The following GRIP2 variants were observed in gnomAD, a reference collection of about 807,000 sequenced individuals.
GRIP2 encodes glutamate receptor interacting protein 2, also known as glutamate receptor-interacting protein 2.
A neutral mutation model predicts 108.3 loss-of-function variants in GRIP2; 58 were observed. The ratio of observed to expected loss-of-function variants is 0.54; its 90% CI spans 0.43 to 0.67. The LOEUF (loss-of-function observed/expected upper bound fraction) is 0.67, where lower values mean the gene tolerates loss of function less well. Among genes scored for constraint, GRIP2 ranks in the 30% least tolerant of loss-of-function variants. The probability of loss-of-function intolerance (pLI) is 0.00; values close to 1 mark genes in which losing one functional copy is unlikely to be tolerated. For synonymous variants in GRIP2, 586 were observed against 598.2 expected (o/e 0.98, Z 0.30); for missense variants, 1,278 against 1,430.6 (o/e 0.89, Z 1.72).
chr3:14,496,888 A>G (rs1359145175), intron 21 of GRIP2, among the ~76,000 whole-genome samples: 1 of 152,112 alleles, frequency 6.6e-6, no homozygotes, highest in East Asian at 1.9e-4. Flanking sequence ...CACTTTACAG[A>G]TGAGGAAACT....
the GRIP2 span, among the ~76,000 whole-genome samples, chr3:14,592,298 A>T: frequency 1.4e-4 from 22 of 152,292 alleles, no homozygotes; most frequent in Middle Eastern, 6.8e-3. Context: ...GGGGCCTTCC[A>T]GGGCTCTGAG....
chr3:14,495,433 G>A (rs1693567203), intron 22 of GRIP2, among the ~76,000 whole-genome samples: 1 of 152,146 alleles, frequency 6.6e-6, no homozygotes, highest in South Asian at 2.1e-4. Flanking sequence ...TTGAGATGGA[G>A]TCTTGCTCTG....
chr3:14,503,154 C>T (rs1287899772), intron 21 of GRIP2, among the ~76,000 whole-genome samples: 1 of 152,214 alleles, frequency 6.6e-6, no homozygotes, highest in East Asian at 1.9e-4. Flanking sequence ...TGCCGACAAC[C>T]ACATTCATGA....
the GRIP2 span, among the ~76,000 whole-genome samples, chr3:14,564,535 G>C: frequency 6.6e-6 from 1 of 152,238 alleles, no homozygotes; most frequent in Non-Finnish European, 1.5e-5. Flanking sequence ...CCTAAAGTCA[G>C]TAAGTATAGT....
the GRIP2 span, among the ~76,000 whole-genome samples, chr3:14,593,644 C>G: frequency 1.3e-5 from 2 of 152,220 alleles, no homozygotes; most frequent in African/African-American, 4.8e-5. Flanking sequence ...TCTCACAGTT[C>G]CAGTGCGCTA....
At chr3:14,499,771 C>G (rs1006677436) in intron 21 of GRIP2, among the ~76,000 whole-genome samples, 5 of 151,924 alleles carry the variant, frequency 3.3e-5, no homozygotes, top group African/African-American at 1.2e-4. Flanking sequence ...GAAAAAGAAA[C>G]TTGAAATAAG....
At chr3:14,530,792 G>A (rs1163777550) in intron 1 of GRIP2, among the ~76,000 whole-genome samples, 3 of 152,118 alleles carry the variant, frequency 2.0e-5, no homozygotes, top group Admixed American at 6.5e-5. Context: ...ATACAGGTAC[G>A]CACTGCATAA....
intron 21 of GRIP2, 79 bp from the exon 22 acceptor site, chr3:14,496,639 T>C: frequency 1.3e-6 from 2 of 1,510,272 alleles, no homozygotes; most frequent in Non-Finnish European, 1.8e-6. Context: ...ACAACTACTA[T>C]GTGCCAGCCA....
rs1031897832 is a variant in GRIP2, at chr3:14,490,615, C to G, written c.*3050G>C. The G allele has an allele frequency of 3.3e-5, 5 of 152,340 alleles. No individual in the cohort carries two copies. In the East Asian group the frequency reaches 9.6e-4, roughly 29 times the overall value. The allele number at this position is 152,340 out of a possible 1,614,324, so 9.4% of individuals were successfully genotyped here. ...TCTGGCTTTCTGCTGCGCAGAGAAT[C>G]AAATTTGCTCCCCCTACCCAAGCCT... On this transcript the variant is annotated 3_prime_UTR_variant, in exon 24 of 24. Transcript: ENST00000621039.
At chr3:14,574,351 T>G in the GRIP2 span, 4 of 987,010 alleles carry the variant, frequency 4.1e-6, no homozygotes, top group South Asian at 1.3e-5. Flanking sequence ...GGCACAGCGA[T>G]GCGCTGGTTC....
At chr3:14,519,100 C>T (rs146949788) in intron 9 of GRIP2, among the ~76,000 whole-genome samples, 8 of 152,314 alleles carry the variant, frequency 5.3e-5, no homozygotes, top group East Asian at 1.9e-4. Context: ...GAACCTGGCA[C>T]GTGGCAGATG....
At chr3:14,594,363 G>C in the GRIP2 span, among the ~76,000 whole-genome samples, 1 of 152,224 alleles carries the variant, frequency 6.6e-6, no homozygotes, top group Non-Finnish European at 1.5e-5. Flanking sequence ...AGGAGGAAGA[G>C]CAGACTCGGG....
the GRIP2 span, among the ~76,000 whole-genome samples, chr3:14,567,528 C>T: frequency 1.3e-5 from 2 of 152,188 alleles, no homozygotes; most frequent in Non-Finnish European, 2.9e-5. Context: ...GATGCCACCA[C>T]TCCAGGGACA....
At chr3:14,502,944 G>T (rs777505999) in intron 21 of GRIP2, among the ~76,000 whole-genome samples, 16 of 152,186 alleles carry the variant, frequency 1.1e-4, no homozygotes, top group Non-Finnish European at 2.2e-4. Flanking sequence ...ATAAAATAGA[G>T]ATTTAAATAA....
At chr3:14,544,695 C>T (rs60792418), upstream of GRIP2, among the ~76,000 whole-genome samples, 546 of 152,332 alleles carry the variant, frequency 3.6e-3, 6 homozygotes, top group African/African-American at 0.012. Context: ...CCCTCCACCC[C>T]AGGGGCCGGG....
intron 3 of GRIP2, among the ~76,000 whole-genome samples, chr3:14,524,774 T>C (rs1291513375): frequency 6.6e-6 from 1 of 152,236 alleles, no homozygotes; most frequent in Non-Finnish European, 1.5e-5. Flanking sequence ...CTGCTTTTCC[T>C]TCTGCAGGGG....
In GRIP2 at chr3:14,496,546, C is replaced by T. The variant is rs372115348; in HGVS notation, c.2694G>A (p.Thr898=). 2.3e-5 allele frequency: 36 copies of T among 1,598,814 alleles called. No homozygotes were observed. The highest frequency in any genetic ancestry group is 3.5e-5 in the Admixed American group (2 of 57,954). The change falls in exon 22 of 24, where the codon ACG becomes ACA. Residue 898 remains threonine, a synonymous_variant. Coordinates refer to ENST00000621039, the MANE Select transcript of GRIP2 (RefSeq NM_001080423.4). ...CGAGGGCCACCCTCTGCACGGTGCC[C>T]GTCATGATGGATGCCTGCAAGGAAC... ...LLRELEASIM[T]GTVQRVALEG...
At position 14,520,129 on chromosome 3, in the gene GRIP2, T is replaced by A. The variant is rs781965464; in HGVS notation, c.1011A>T (p.Pro337=). 1.2e-6 allele frequency: 2 copies of A among 1,604,666 alleles called. No homozygotes were observed. The highest frequency in any genetic ancestry group is 1.7e-6 in the Non-Finnish European group (2 of 1,176,622). ...EILPVPQSQR[P]LRPSEAVKVQ... ...ACCCACCTGCCTCTGAGGGCCTCAG[T>A]GGCCGCTGACTCTGGGGCACAGGCA... The change falls in exon 9 of 24, where the codon CCA becomes CCT. Residue 337 remains proline, a synonymous_variant. Transcript: ENST00000621039.
In GRIP2 at chr3:14,490,486, T is replaced by C. The variant is rs867288054; in HGVS notation, c.*3179A>G. 9.2e-5 allele frequency: 14 copies of C among 152,642 alleles called. No individual in the cohort carries two copies. The highest frequency in any genetic ancestry group is 3.3e-3 in the Middle Eastern group (1 of 300). The allele number at this position is 152,642 out of a possible 1,614,324, so 9.5% of individuals were successfully genotyped here. On this transcript the variant is annotated 3_prime_UTR_variant, in exon 24 of 24. Coordinates refer to ENST00000621039, the MANE Select transcript of GRIP2 (RefSeq NM_001080423.4). ...CCTGTAGCTCACCTGCCCTAGACAC[T>C]CTCTGGACACTCCAGGGCAGCAGCC...
Sources: gnomAD v4.1 joint callset for allele counts (sites outside exome capture counted in the v4.1 genomes callset) on GRCh38, gnomAD v4.1.1 for gene constraint, MANE v1.5 for transcripts, NCBI Gene and HGNC (gene_info 2026-07-23, HGNC 2026-07-21) for gene names.